Variants in CDK6 observed in about 807,000 individuals in gnomAD.
CDK6 encodes cyclin-dependent kinase 6.
Under a neutral mutation model 37.1 loss-of-function variants are expected in CDK6, and 6 were observed. That is an observed-to-expected ratio of 0.16 (90% CI 0.09 to 0.32). The LOEUF (loss-of-function observed/expected upper bound fraction) is 0.32, where lower values mean the gene tolerates loss of function less well. CDK6 is among the 10% of genes least tolerant of loss of function. The pLI is 1.00. For missense variants in CDK6, 224 were observed against 418.9 expected, an observed-to-expected ratio of 0.53 and a Z score of 4.06; for synonymous variants, 160 against 161.3, an observed-to-expected ratio of 0.99 and a Z score of 0.06.
intron 5 of CDK6, among the ~76,000 whole-genome samples, chr7:92,636,208 C>G (rs978539400): frequency 1.3e-5 from 2 of 152,042 alleles, no homozygotes; most frequent in African/African-American, 2.4e-5. Context: ...GGGCATGCCA[C>G]CACACCAGGC....
chr7:92,672,451 C>T (rs1327340102), intron 4 of CDK6, among the ~76,000 whole-genome samples: 1 of 151,454 alleles, frequency 6.6e-6, no homozygotes, highest in African/African-American at 2.4e-5. Context: ...TGTGAAAAAG[C>T]CAAGCAGAGG....
intron 5 of CDK6, among the ~76,000 whole-genome samples, chr7:92,670,946 AAAGTGCTCTG>A (rs1249038759): frequency 1.3e-5 from 2 of 152,238 alleles, no homozygotes; most frequent in African/African-American, 2.4e-5. Context: ...GGCAGCATTT[AAAGTGCTCTG>A]AAGTAGCACT....
intron 2 of CDK6, among the ~76,000 whole-genome samples, chr7:92,780,885 GACTTTCTAAAACCTT>G (rs1179829148): frequency 6.6e-6 from 1 of 151,158 alleles, no homozygotes; most frequent in African/African-American, 2.4e-5. Context: ...AATATTTTAA[GACTTTCTAAAACCTT>G]TTTTTAAAAA....
intron 4 of CDK6, among the ~76,000 whole-genome samples, chr7:92,709,836 T>G (rs551176808): frequency 6.6e-6 from 1 of 152,306 alleles, no homozygotes; most frequent in Admixed American, 6.5e-5. Flanking sequence ...GTTTGCTGAT[T>G]GCTATTATTA....
At chr7:92,831,681 G>A (rs1801485590) in intron 2 of CDK6, among the ~76,000 whole-genome samples, 1 of 152,134 alleles carries the variant, frequency 6.6e-6, no homozygotes, top group Non-Finnish European at 1.5e-5. Context: ...GCTAGGCCGA[G>A]GTATAATGCG....
intron 4 of CDK6, among the ~76,000 whole-genome samples, chr7:92,722,907 G>T (rs947516587): frequency 1.1e-4 from 17 of 152,162 alleles, no homozygotes; most frequent in Non-Finnish European, 2.2e-4. Context: ...ATTATAGGCT[G>T]GGCACAGTGG....
intron 3 of CDK6, among the ~76,000 whole-genome samples, chr7:92,774,076 T>C (rs1355331189): frequency 1.3e-5 from 2 of 152,192 alleles, no homozygotes; most frequent in Non-Finnish European, 2.9e-5. Context: ...AGGAAGAACT[T>C]CCAGTCAATA....
Position 92,774,980 on chromosome 7 carries a change from G to A in CDK6, c.234-149C>T, listed in dbSNP as rs571268477. The A allele has an allele frequency of 1.0e-4, 68 of 679,484 alleles. No individual in the cohort carries two copies. In the African/African-American group the frequency reaches 1.3e-3, roughly 13 times the overall value. 42.1% of individuals were successfully genotyped at this position (679,484 alleles called of 1,614,324 possible). Reference sequence around the variant, plus strand: ...GTGATCATATGTAAAGATATCAAATGAGATCTGATACTTTAATAACAACAT... The same window carrying A: ...GTGATCATATGTAAAGATATCAAATAAGATCTGATACTTTAATAACAACAT... On this transcript the variant is annotated intron_variant, in intron 2 of 7. Transcript: ENST00000424848.
intron 6 of CDK6, among the ~76,000 whole-genome samples, chr7:92,621,909 C>T (rs1795812819): frequency 1.3e-5 from 2 of 152,020 alleles, no homozygotes; most frequent in Admixed American, 6.6e-5. Flanking sequence ...TGCTTCTAGT[C>T]ACTAAAAGAA....
chr7:92,656,448 C>T (rs1247963120), intron 5 of CDK6, among the ~76,000 whole-genome samples: 1 of 152,156 alleles, frequency 6.6e-6, no homozygotes, highest in Non-Finnish European at 1.5e-5. Context: ...TTTGACACAT[C>T]TTACTATTTG....
intron 5 of CDK6, among the ~76,000 whole-genome samples, chr7:92,669,774 C>T (rs896038955): frequency 6.6e-6 from 1 of 152,222 alleles, no homozygotes; most frequent in African/African-American, 2.4e-5. Flanking sequence ...GCCTGGGAGC[C>T]AGACTTTTAA....
intron 3 of CDK6, among the ~76,000 whole-genome samples, chr7:92,740,148 A>G (rs1421868798): frequency 6.6e-6 from 1 of 152,208 alleles, no homozygotes; most frequent in Non-Finnish European, 1.5e-5. Flanking sequence ...ATTGTTACCT[A>G]AAGCACTTTA....
intron 3 of CDK6, among the ~76,000 whole-genome samples, chr7:92,737,294 C>T (rs1432367871): frequency 2.0e-5 from 3 of 152,196 alleles, no homozygotes; most frequent in Non-Finnish European, 2.9e-5. Flanking sequence ...ACAAACACAA[C>T]TTATAATATA....
chr7:92,744,982 A>C (rs992095090), intron 3 of CDK6, among the ~76,000 whole-genome samples: 3 of 152,226 alleles, frequency 2.0e-5, no homozygotes, highest in Admixed American at 2.0e-4. Flanking sequence ...ATTGACAAAT[A>C]ATAACTATAT....
chr7:92,674,593 T>C (rs1375619523), intron 4 of CDK6, among the ~76,000 whole-genome samples: 2 of 152,234 alleles, frequency 1.3e-5, no homozygotes, highest in African/African-American at 2.4e-5. Context: ...TACTTGTTTC[T>C]GCTTTATTAA....
At chr7:92,778,943 ATAT>A (rs1194655359) in intron 2 of CDK6, among the ~76,000 whole-genome samples, 8 of 144,872 alleles carry the variant, frequency 5.5e-5, no homozygotes, top group African/African-American at 2.1e-4. Flanking sequence ...ATATATATAT[ATAT>A]AAGATATTAT....
At chr7:92,678,377 A>G (rs557837046) in intron 4 of CDK6, among the ~76,000 whole-genome samples, 176 of 152,198 alleles carry the variant, frequency 1.2e-3, no homozygotes, top group Non-Finnish European at 2.1e-3. Context: ...TACAATCATT[A>G]CATGTATTAA....
chr7:92,747,302 G>C lies in CDK6; in HGVS notation c.370-21509C>G, dbSNP rs114539497. On this transcript the variant is annotated intron_variant, in intron 3 of 7. Transcript: ENST00000424848. ...CCCTGATTATTTCATTCCCAAACCA[G>C]AGGACCATTCTCTTTGACTGATCTC... Among the ~76,000 whole-genome samples the C allele has an allele frequency of 7.4e-3, 1,129 of 152,200 alleles. 11 individuals are homozygous for C. Among genetic ancestry groups the C allele is most frequent in the African/African-American group, 0.025 (1,022 of 41,516 alleles).
intron 4 of CDK6, among the ~76,000 whole-genome samples, chr7:92,680,099 T>G (rs1042589556): frequency 7.9e-5 from 12 of 151,918 alleles, no homozygotes; most frequent in Admixed American, 2.0e-4. Flanking sequence ...AAGCACAGTC[T>G]TCTCATTATA....
Sources: gnomAD v4.1 joint callset for allele counts (sites outside exome capture counted in the v4.1 genomes callset) on GRCh38, gnomAD v4.1.1 for gene constraint, MANE v1.5 for transcripts, NCBI Gene and HGNC (gene_info 2026-07-23, HGNC 2026-07-21) for gene names.